Variants in CUX2 observed in about 807,000 individuals in gnomAD.
CUX2 encodes homeobox protein cut-like 2.
In CUX2, 40 loss-of-function variants were observed where a neutral mutation model predicts 144.8. The observed-to-expected ratio is 0.28, with a 90% CI of 0.21 to 0.36. CUX2 has a LOEUF of 0.36. Among genes scored for constraint, CUX2 ranks in the 10% least tolerant of loss-of-function variants. CUX2 has a pLI of 1.00. For synonymous variants in CUX2, 827 were observed against 875.6 expected (o/e 0.94, Z 0.98); for missense variants, 1,615 against 1,994.0 (o/e 0.81, Z 3.62).
chr12:111,087,361 C>T (rs1872286537), intron 1 of CUX2, among the ~76,000 whole-genome samples: 1 of 81,504 alleles, frequency 1.2e-5, no homozygotes, highest in South Asian at 5.6e-4. Flanking sequence ...AGTGGGACTC[C>T]ATCTCAAAAA....
At chr12:111,290,470 C>T (rs1460852897) in intron 4 of CUX2, among the ~76,000 whole-genome samples, 1 of 152,186 alleles carries the variant, frequency 6.6e-6, no homozygotes, top group Non-Finnish European at 1.5e-5. Flanking sequence ...CTCTGTCCCC[C>T]AGGCTGGAGT....
chr12:111,297,938 G>GAGT (rs1886092061), intron 8 of CUX2, among the ~76,000 whole-genome samples: 3 of 152,182 alleles, frequency 2.0e-5, no homozygotes, highest in Non-Finnish European at 4.4e-5. Context: ...CCTGGAGGAG[G>GAGT]TGGCTTTCAG....
chr12:111,222,037 A>T (rs1425672433), intron 3 of CUX2, among the ~76,000 whole-genome samples: 1 of 152,242 alleles, frequency 6.6e-6, no homozygotes, highest in Non-Finnish European at 1.5e-5. Flanking sequence ...CTAATTATAA[A>T]AGTTGCTTTA....
At chr12:111,335,708 A>G (rs538341383) in intron 19 of CUX2, among the ~76,000 whole-genome samples, 2 of 152,192 alleles carry the variant, frequency 1.3e-5, no homozygotes, top group African/African-American at 4.8e-5. Flanking sequence ...CTCCATCTCC[A>G]AAAAAATAAA....
At chr12:111,053,403 C>T (rs1870370562) in intron 1 of CUX2, among the ~76,000 whole-genome samples, 1 of 152,168 alleles carries the variant, frequency 6.6e-6, no homozygotes, top group Non-Finnish European at 1.5e-5. Context: ...AATCCTAACC[C>T]ACTTAATGCT....
chr12:111,249,437 CT>C (rs1359905002), intron 3 of CUX2, among the ~76,000 whole-genome samples: 3 of 101,202 alleles, frequency 3.0e-5, no homozygotes, highest in East Asian at 2.5e-4. Flanking sequence ...TTAATAGACC[CT>C]TTTTTTGTTT....
chr12:111,188,000 G>A (rs367901781), intron 1 of CUX2, among the ~76,000 whole-genome samples: 5 of 152,194 alleles, frequency 3.3e-5, no homozygotes, highest in East Asian at 1.9e-4. Flanking sequence ...ATTTTCTTAC[G>A]TCCCTCAAGG....
At chr12:111,089,650 TGAGAGCTGAAAGATG>T (rs1471461211) in intron 1 of CUX2, among the ~76,000 whole-genome samples, 2 of 152,124 alleles carry the variant, frequency 1.3e-5, no homozygotes, top group African/African-American at 4.8e-5. Context: ...GCATCGAAGC[TGAGAGCTGAAAGATG>T]GCTGGGCATT....
intron 16 of CUX2, 111 bp from the exon 17 acceptor site, chr12:111,319,901 C>G: frequency 7.3e-7 from 1 of 1,371,172 alleles, no homozygotes; most frequent in Non-Finnish European, 9.4e-7. Context: ...TTGCTGGACA[C>G]AGAGGTTGCC....
chr12:111,180,328 A>T (rs553569291), intron 1 of CUX2, among the ~76,000 whole-genome samples: 5 of 152,226 alleles, frequency 3.3e-5, no homozygotes, highest in African/African-American at 1.2e-4. Flanking sequence ...ACATGAGCAG[A>T]TCCCTCTACA....
chr12:111,082,571 A>C (rs1221738830), intron 1 of CUX2, among the ~76,000 whole-genome samples: 1 of 152,190 alleles, frequency 6.6e-6, no homozygotes, highest in Non-Finnish European at 1.5e-5. Context: ...GTTAAAGCCC[A>C]GGGTGTAGGG....
intron 16 of CUX2, among the ~76,000 whole-genome samples, chr12:111,315,408 A>G (rs1175751729): frequency 6.6e-6 from 1 of 152,232 alleles, no homozygotes; most frequent in East Asian, 1.9e-4. Flanking sequence ...CCTTAAAGGT[A>G]GAACTTTTAA....
chr12:111,314,639 T>TAAAAAAAAAAAAGAAAAAAAAA (rs1887084374), intron 16 of CUX2, among the ~76,000 whole-genome samples: 1 of 23,234 alleles, frequency 4.3e-5, no homozygotes, highest in African/African-American at 1.6e-4. Flanking sequence ...AAACTCAGTC[T>TAAAAAAAAAAAAGAAAAAAAAA]AAAAAAAAAA....
intron 7 of CUX2, among the ~76,000 whole-genome samples, chr12:111,296,002 C>T (rs1043286620): frequency 3.9e-5 from 6 of 152,140 alleles, no homozygotes; most frequent in African/African-American, 1.4e-4. Context: ...AACGCTCGTT[C>T]ATTGTAACAC....
In CUX2 at chr12:111,306,815, C is replaced by A; in HGVS notation, c.859-106C>A. ...CACAAGCACACCCCATACCATCATC[C>A]AGATCAACAAATTTGCATTCTGCTT... On this transcript the variant is annotated intron_variant, in intron 10 of 21. Coordinates refer to ENST00000261726, the MANE Select transcript of CUX2 (RefSeq NM_015267.4). 8 of 882,914 alleles carry A rather than the reference C, an allele frequency of 9.1e-6. No homozygotes were observed. In the South Asian group the frequency reaches 1.3e-4, roughly 15 times the overall value. The allele number at this position is 882,914 out of a possible 1,614,324, so 54.7% of individuals were successfully genotyped here. A position where few individuals can be genotyped will look rare whatever the true frequency, so the allele number is the denominator to read the frequency against.
At chr12:111,098,766 G>A (rs1195645469) in intron 1 of CUX2, among the ~76,000 whole-genome samples, 3 of 152,224 alleles carry the variant, frequency 2.0e-5, no homozygotes, top group Non-Finnish European at 4.4e-5. Context: ...CTTTCTCTTC[G>A]TGAGTTCAGA....
At position 111,320,373 on chromosome 12, in the gene CUX2, C is replaced by G; in HGVS notation, c.2364C>G (p.His788Gln). 6.3e-7 allele frequency: 1 copy of G among 1,598,130 alleles called. No individual in the cohort carries two copies. The highest frequency in any genetic ancestry group is 8.5e-7 in the Non-Finnish European group (1 of 1,179,160). The change falls in exon 17 of 22, where the codon CAC (histidine) becomes CAG (glutamine). Residue 788 changes from histidine to glutamine, a missense_variant. His to Gln is a conservative substitution (Grantham distance 24). Transcript: ENST00000261726. The surrounding 1 kb of genome is among the most constrained non-coding windows in gnomAD (Gnocchi z 8.1). ...EIGDAGYFDHHWASDRGLLSR... is the reference protein window; with the variant it reads ...EIGDAGYFDHQWASDRGLLSR... The stretch of plus-strand genomic sequence containing the variant: ...GCGACGCCGGCTACTTCGACCACCA[C>G]TGGGCCTCCGACCGCGGCCTGCTCA...
intron 18 of CUX2, among the ~76,000 whole-genome samples, chr12:111,328,580 T>TGTGTG (rs1887925613): frequency 4.4e-5 from 6 of 135,752 alleles, no homozygotes; most frequent in Non-Finnish European, 7.8e-5. Flanking sequence ...CCAATTTCTT[T>TGTGTG]TGTGTGTGTG....
intron 3 of CUX2, among the ~76,000 whole-genome samples, chr12:111,245,417 C>T (rs1256921748): frequency 4.6e-5 from 7 of 151,536 alleles, no homozygotes; most frequent in Non-Finnish European, 8.8e-5. Flanking sequence ...AATTTTTTTC[C>T]ATTGTTTTGA....
Sources: gnomAD v4.1 joint callset for allele counts (sites outside exome capture counted in the v4.1 genomes callset) on GRCh38, gnomAD v4.1.1 for gene constraint, Gnocchi (gnomAD v3.1) non-coding constraint, MANE v1.5 for transcripts, NCBI Gene and HGNC (gene_info 2026-07-23, HGNC 2026-07-21) for gene names.